DGKG: variants seen among roughly 807,000 people sequenced by gnomAD.
DGKG encodes the protein DAG kinase gamma.
Under a neutral mutation model 105.3 loss-of-function variants are expected in DGKG, and 78 were observed. The observed-to-expected ratio is 0.74, with a 90% CI of 0.62 to 0.89. The LOEUF (loss-of-function observed/expected upper bound fraction) is 0.89. Ranked by LOEUF, DGKG falls within the 40% of genes least tolerant of loss-of-function variation. The pLI, the probability that DGKG is intolerant of heterozygous loss-of-function variation, is 0.00. For synonymous variants in DGKG, 346 were observed against 367.1 expected (o/e 0.94, Z 0.66); for missense variants, 958 against 1,020.1 (o/e 0.94, Z 0.83).
Position 186,149,004 on chromosome 3 carries a change from ACACG to A in DGKG, c.*1082_*1085del. ...ATATATAGGCTAAATATATATATATACACGCACACACACACACACACGCGCGCAC... is the reference window on the plus strand; with the variant it reads ...ATATATAGGCTAAATATATATATATACACACACACACACACACGCGCGCAC... On this transcript the variant is annotated 3_prime_UTR_variant, in exon 25 of 25. Transcript: ENST00000265022. The A allele has an allele frequency of 2.2e-6, 2 of 899,724 alleles. No individual in the cohort carries two copies. Among genetic ancestry groups the A allele is most frequent in the Non-Finnish European group, 2.7e-6 (2 of 754,296 alleles). 55.7% of individuals were successfully genotyped at this position (899,724 alleles called of 1,614,324 possible). A position where few individuals can be genotyped will look rare whatever the true frequency, so the allele number is the denominator to read the frequency against.
At chr3:186,167,168 A>G (rs989577853) in intron 22 of DGKG, among the ~76,000 whole-genome samples, 2 of 152,066 alleles carry the variant, frequency 1.3e-5, no homozygotes, top group Non-Finnish European at 2.9e-5. Context: ...TGTGGGACTG[A>G]GGAGATTTGT....
chr3:186,149,365 T>G lies in DGKG; in HGVS notation c.*725A>C, dbSNP rs58473070. The G allele has an allele frequency of 1.5e-4, 150 of 985,422 alleles. 2 individuals are homozygous for G. In the African/African-American group the frequency reaches 2.5e-3, roughly 17 times the overall value. 61.0% of individuals were successfully genotyped at this position (985,422 alleles called of 1,614,324 possible). ...TAAATACCACATCTAAGGTGTGCTATGCAGGCAGCTCTGGGGGCTCTTGGA... is the reference window on the plus strand; with the variant it reads ...TAAATACCACATCTAAGGTGTGCTAGGCAGGCAGCTCTGGGGGCTCTTGGA... On this transcript the variant is annotated 3_prime_UTR_variant, in exon 25 of 25. Coordinates refer to ENST00000265022, the MANE Select transcript of DGKG (RefSeq NM_001346.3).
At chr3:186,255,687 G>C (rs564631883) in intron 17 of DGKG, among the ~76,000 whole-genome samples, 1 of 152,306 alleles carries the variant, frequency 6.6e-6, no homozygotes, top group South Asian at 2.1e-4. Flanking sequence ...ATTACTTCAA[G>C]GGTTTTGTCT....
At chr3:186,297,993 T>C in intron 4 of DGKG, 71 bp downstream of exon 4, 1 of 1,515,870 alleles carries the variant, frequency 6.6e-7, no homozygotes, top group Non-Finnish European at 8.9e-7. Flanking sequence ...CCTCTAGGAA[T>C]GCAGTCTGTG....
chr3:186,274,266 C>T (rs1177919241), intron 10 of DGKG, among the ~76,000 whole-genome samples: 1 of 152,234 alleles, frequency 6.6e-6, no homozygotes, highest in Non-Finnish European at 1.5e-5. Context: ...CAGCTCACCG[C>T]AACCTCTGCC....
At chr3:186,292,931 T>A (rs1011553650) in intron 5 of DGKG, among the ~76,000 whole-genome samples, 1 of 152,334 alleles carries the variant, frequency 6.6e-6, no homozygotes, top group East Asian at 1.9e-4. Flanking sequence ...ATTGCATTGG[T>A]AAAATTATGG....
At chr3:186,152,333 A>C (rs1715801019) in intron 24 of DGKG, among the ~76,000 whole-genome samples, 1 of 152,148 alleles carries the variant, frequency 6.6e-6, no homozygotes, top group Non-Finnish European at 1.5e-5. Flanking sequence ...CCCAGGACGC[A>C]CGGAAGCGAG....
At chr3:186,325,677 T>C (rs1725302703) in intron 1 of DGKG, among the ~76,000 whole-genome samples, 1 of 151,728 alleles carries the variant, frequency 6.6e-6, no homozygotes, top group African/African-American at 2.4e-5. Flanking sequence ...AATTTATATG[T>C]CTACTATAAA....
intron 22 of DGKG, among the ~76,000 whole-genome samples, chr3:186,167,710 A>G (rs533174637): frequency 1.6e-3 from 251 of 152,208 alleles, no homozygotes; most frequent in Middle Eastern, 3.4e-3. Flanking sequence ...ACACTCTTCA[A>G]CTGACTAGTA....
At chr3:186,232,650 T>C (rs1271956335) in intron 20 of DGKG, among the ~76,000 whole-genome samples, 2 of 152,258 alleles carry the variant, frequency 1.3e-5, no homozygotes, top group Non-Finnish European at 2.9e-5. Flanking sequence ...AAATTATTTA[T>C]AATGATATTG....
chr3:186,280,940 A>G (rs762108738), intron 7 of DGKG, among the ~76,000 whole-genome samples, 196 bp from the exon 8 acceptor site: 2 of 152,208 alleles, frequency 1.3e-5, no homozygotes, highest in South Asian at 4.1e-4. Flanking sequence ...AGCACAGAGC[A>G]TGCATAAGCT....
At chr3:186,277,128 T>C (rs1329461230) in intron 9 of DGKG, among the ~76,000 whole-genome samples, 1 of 150,316 alleles carries the variant, frequency 6.7e-6, no homozygotes, top group African/African-American at 2.4e-5. Context: ...CTGATAATGA[T>C]TCATCAAAAG....
chr3:186,260,825 T>C (rs1382488884), intron 15 of DGKG, among the ~76,000 whole-genome samples: 1 of 152,194 alleles, frequency 6.6e-6, no homozygotes, highest in Non-Finnish European at 1.5e-5. Flanking sequence ...TTCTAAAGCT[T>C]TATCCTCCAC....
intron 14 of DGKG, among the ~76,000 whole-genome samples, chr3:186,264,782 C>A (rs1006715041): frequency 2.0e-5 from 3 of 151,968 alleles, no homozygotes; most frequent in African/African-American, 4.8e-5. Flanking sequence ...GTGGAAGACA[C>A]AAAAAATGTT....
rs147651708 is a variant in DGKG at position 186,343,383 on chromosome 3, C to T, written c.-249+18563G>A. Among the ~76,000 whole-genome samples, 179 of 152,202 alleles carry T rather than the reference C, an allele frequency of 1.2e-3. 2 individuals are homozygous for T. The Middle Eastern group carries it at 0.041, about 35-fold the overall frequency. On this transcript the variant is annotated intron_variant, in intron 1 of 24. Coordinates refer to ENST00000265022, the MANE Select transcript of DGKG (RefSeq NM_001346.3). ...TTGGCTCACTGCAACTTCTGCCTCA[C>T]GGGGTGAAGTGATCCTCCCACCTCA... is the stretch of plus-strand genomic sequence containing the variant.
At chr3:186,180,203 C>T (rs779383454) in intron 22 of DGKG, among the ~76,000 whole-genome samples, 63 of 152,040 alleles carry the variant, frequency 4.1e-4, no homozygotes, top group Non-Finnish European at 7.8e-4. Flanking sequence ...AGGCAGGGAA[C>T]ATGGGTACGG....
chr3:186,215,976 G>A (rs1035996986), intron 20 of DGKG, among the ~76,000 whole-genome samples: 1 of 151,440 alleles, frequency 6.6e-6, no homozygotes, highest in East Asian at 2.0e-4. Context: ...AGACAAGCAA[G>A]ACCCCTGCCC....
At chr3:186,261,979 G>A (rs1251803955) in intron 14 of DGKG, 8 of 496,966 alleles carry the variant, frequency 1.6e-5, no homozygotes, top group South Asian at 2.2e-5. Flanking sequence ...TAGTGTTAAC[G>A]GAAATGAGGG....
intron 1 of DGKG, among the ~76,000 whole-genome samples, chr3:186,351,950 C>A (rs1376933814): frequency 6.6e-6 from 1 of 152,196 alleles, no homozygotes; most frequent in African/African-American, 2.4e-5. Context: ...GTTCTTAACT[C>A]TTCTGAACAT....
Sources: allele counts gnomAD v4.1 joint callset (sites outside exome capture counted in the v4.1 genomes callset), GRCh38; gene constraint gnomAD v4.1.1; transcripts MANE v1.5; gene names NCBI Gene and HGNC (gene_info 2026-07-23, HGNC 2026-07-21).